Variants in TANC1 observed in about 807,000 individuals in gnomAD.
TANC1 encodes protein TANC1.
A neutral mutation model predicts 149.7 loss-of-function variants in TANC1; 77 were observed. The ratio of observed to expected loss-of-function variants is 0.51; its 90% CI spans 0.43 to 0.62. The LOEUF is 0.62. Among genes scored for constraint, TANC1 ranks in the 20% least tolerant of loss-of-function variants. TANC1 has a pLI of 0.00. For synonymous variants in TANC1, 854 were observed against 925.0 expected (o/e 0.92, Z 1.39); for missense variants, 1,985 against 2,321.8 (o/e 0.85, Z 2.98).
chr2:159,011,298 T>C (rs1179313088), intron 2 of TANC1, among the ~76,000 whole-genome samples: 3 of 152,142 alleles, frequency 2.0e-5, no homozygotes, highest in Non-Finnish European at 4.4e-5. Flanking sequence ...CTTTCTGTTT[T>C]CTCACAGATT....
chr2:159,053,619 G>C lies in TANC1; in HGVS notation c.-15-12277G>C, dbSNP rs191771048. The stretch of plus-strand genomic sequence containing the variant: ...CCAGAGAAAGACATTGAGATCATCA[G>C]GCCATTTCTCACTGCATCCTGTCAC... On this transcript the variant is annotated intron_variant, in intron 2 of 26. Coordinates refer to ENST00000263635, the MANE Select transcript of TANC1 (RefSeq NM_033394.3). Among the ~76,000 whole-genome samples the C allele has an allele frequency of 1.7e-3, 257 of 152,306 alleles. 1 individual carries two copies. The highest frequency in any genetic ancestry group is 5.9e-3 in the African/African-American group (244 of 41,572).
intron 1 of TANC1, among the ~76,000 whole-genome samples, chr2:158,983,432 A>ACT (rs1553510264): frequency 7.0e-6 from 1 of 143,082 alleles, no homozygotes; most frequent in African/African-American, 2.6e-5. Context: ...GCGCCACTGC[A>ACT]CTCCAGCCTG....
intron 18 of TANC1, among the ~76,000 whole-genome samples, chr2:159,198,070 C>G (rs2057993824): frequency 1.3e-5 from 2 of 152,162 alleles, no homozygotes; most frequent in African/African-American, 2.4e-5. Flanking sequence ...GCCCCTTCCT[C>G]CATCTCCAAA....
intron 4 of TANC1, among the ~76,000 whole-genome samples, chr2:159,107,823 C>T (rs140304051): frequency 1.4e-4 from 22 of 152,320 alleles, no homozygotes; most frequent in Admixed American, 4.6e-4. Context: ...CCTTTTGCTC[C>T]GAGCATCTGT....
chr2:159,114,675 CT>C (rs1291732176), intron 4 of TANC1, among the ~76,000 whole-genome samples: 1 of 152,220 alleles, frequency 6.6e-6, no homozygotes, highest in African/African-American at 2.4e-5. Flanking sequence ...TTATGGTATA[CT>C]TTTCCTGTTT....
intron 5 of TANC1, among the ~76,000 whole-genome samples, chr2:159,138,707 G>A (rs188205845): frequency 2.0e-5 from 3 of 152,168 alleles, no homozygotes; most frequent in Admixed American, 6.5e-5. Context: ...AAGTTTCTAA[G>A]ACGCTTTTCT....
intron 4 of TANC1, among the ~76,000 whole-genome samples, chr2:159,106,210 A>G (rs1419530019): frequency 1.3e-5 from 2 of 152,190 alleles, no homozygotes. Context: ...TTGTGCAACC[A>G]TCCCCACAGT....
chr2:159,209,593 G>A (rs1328228034), intron 19 of TANC1, among the ~76,000 whole-genome samples: 1 of 152,148 alleles, frequency 6.6e-6, no homozygotes, highest in South Asian at 2.1e-4. Flanking sequence ...GCAGCAAAGC[G>A]AGCCTGACCG....
chr2:158,993,106 G>C (rs1037346042), intron 1 of TANC1, among the ~76,000 whole-genome samples: 8 of 152,152 alleles, frequency 5.3e-5, no homozygotes, highest in African/African-American at 1.4e-4. Flanking sequence ...TTATAACAGC[G>C]TTTTAAGGTG....
intron 19 of TANC1, among the ~76,000 whole-genome samples, chr2:159,209,227 C>G (rs1404918423): frequency 6.6e-6 from 1 of 152,296 alleles, no homozygotes; most frequent in East Asian, 1.9e-4. Context: ...AGTGCAAGTA[C>G]AGTTTTCTGG....
chr2:159,046,748 G>A (rs923392483), intron 2 of TANC1, among the ~76,000 whole-genome samples: 17 of 150,986 alleles, frequency 1.1e-4, no homozygotes, highest in African/African-American at 4.1e-4. Flanking sequence ...GTACAGGCGC[G>A]AGGCACCAGG....
chr2:158,994,644 G>C (rs748241447), intron 1 of TANC1, among the ~76,000 whole-genome samples: 2 of 152,154 alleles, frequency 1.3e-5, no homozygotes, highest in African/African-American at 4.8e-5. Flanking sequence ...CTAGATGTTC[G>C]TGTCTCAATT....
rs574225348 is a variant in TANC1, at chr2:159,120,991, A to G, written c.260-15203A>G. On this transcript the variant is annotated intron_variant, in intron 4 of 26. Coordinates refer to ENST00000263635, the MANE Select transcript of TANC1 (RefSeq NM_033394.3). The stretch of plus-strand genomic sequence containing the variant: ...TAACTTAGTCACATCTACACAGATG[A>G]TTTTTCCAAATCAAGTAGCAAATAC... 5.1e-4 allele frequency among the ~76,000 whole-genome samples: 78 copies of G among 152,128 alleles called. 1 individual carries two copies. Among genetic ancestry groups the G allele is most frequent in the Non-Finnish European group, 2.6e-4 (18 of 67,994 alleles).
intron 2 of TANC1, among the ~76,000 whole-genome samples, chr2:159,028,775 A>T (rs1162231456): frequency 6.6e-6 from 1 of 152,086 alleles, no homozygotes; most frequent in African/African-American, 2.4e-5. Flanking sequence ...AATTATGATT[A>T]TTATTGTTGA....
intron 3 of TANC1, among the ~76,000 whole-genome samples, chr2:159,091,982 A>ATG (rs1391876751): frequency 6.9e-6 from 1 of 145,740 alleles, no homozygotes; most frequent in African/African-American, 2.5e-5. Context: ...GTGTGTGTGT[A>ATG]TGTATGTAGA....
At chr2:159,081,352 G>A (rs2044253878) in intron 3 of TANC1, among the ~76,000 whole-genome samples, 1 of 151,998 alleles carries the variant, frequency 6.6e-6, no homozygotes, top group Admixed American at 6.6e-5. Context: ...GGGAAGGCCA[G>A]AAGTGCTGGC....
intron 4 of TANC1, among the ~76,000 whole-genome samples, chr2:159,134,837 G>T (rs2050499392): frequency 6.6e-6 from 1 of 151,180 alleles, no homozygotes; most frequent in Non-Finnish European, 1.5e-5. Flanking sequence ...GCCCAGGCTT[G>T]TCTCAAACTC....
chr2:159,149,263 T>C lies in TANC1; in HGVS notation c.486T>C (p.Asn162=), dbSNP rs775964684. 14 of 1,614,140 alleles carry C rather than the reference T, an allele frequency of 8.7e-6. No individual in the cohort carries two copies. The South Asian group carries it at 1.4e-4, about 16-fold the overall frequency. ...CACACATAACCATTGAAGACAAAAA[T>C]GAAACCATGGTAATGCCCGAGGAAG... is the stretch of plus-strand genomic sequence containing the variant. The part of the protein sequence containing the change: ...SATHITIEDK[N]ETMCTALSQG... Residue 162 remains asparagine, a synonymous_variant, in exon 6 of 27, where the codon AAT becomes AAC. Coordinates refer to ENST00000263635, the MANE Select transcript of TANC1 (RefSeq NM_033394.3).
intron 4 of TANC1, among the ~76,000 whole-genome samples, chr2:159,120,005 C>T (rs1229531123): frequency 2.0e-5 from 3 of 152,212 alleles, no homozygotes; most frequent in African/African-American, 7.2e-5. Flanking sequence ...TTCTTTCAGT[C>T]TCAGGTGCAG....
Sources: allele counts gnomAD v4.1 joint callset (sites outside exome capture counted in the v4.1 genomes callset), GRCh38; gene constraint gnomAD v4.1.1; transcripts MANE v1.5; gene names NCBI Gene and HGNC (gene_info 2026-07-23, HGNC 2026-07-21).